NMI: variants seen among roughly 807,000 people sequenced by gnomAD.
NMI encodes N-myc-interactor.
A neutral mutation model predicts 34.3 loss-of-function variants in NMI; 39 were observed. The ratio of observed to expected loss-of-function variants is 1.14; its 90% CI spans 0.88 to 1.49. NMI has a LOEUF of 1.49. Among genes scored for constraint, NMI ranks in the 40% most tolerant of loss-of-function variants. NMI has a pLI of 0.00. For missense variants in NMI, 339 were observed against 358.1 expected (o/e 0.95, Z 0.43); for synonymous variants, 113 against 120.3 (o/e 0.94, Z 0.40).
intron 3 of NMI, among the ~76,000 whole-genome samples, chr2:151,280,138 T>C (rs1162974958): frequency 6.7e-6 from 1 of 148,750 alleles, no homozygotes; most frequent in Non-Finnish European, 1.5e-5. Flanking sequence ...GATGTTGTAG[T>C]GAACCGAGAT....
At chr2:151,274,483 TG>T (rs200823557) in intron 6 of NMI, among the ~76,000 whole-genome samples, 33,838 of 145,434 alleles carry the variant, frequency 0.23, 5,892 homozygotes, top group African/African-American at 0.44. Context: ...TGTCTCTTTT[TG>T]TTTTTTTTTG....
At chr2:151,285,398 GATAGATAA>G (rs1480080772) in intron 1 of NMI, among the ~76,000 whole-genome samples, 2,362 of 131,214 alleles carry the variant, frequency 0.018, 70 homozygotes, top group African/African-American at 0.06. Context: ...TAGATAGATA[GATAGATAA>G]ATAGACAGAC....
chr2:151,271,243 A>G (rs560201182), intron 7 of NMI, among the ~76,000 whole-genome samples: 3 of 152,318 alleles, frequency 2.0e-5, no homozygotes, highest in African/African-American at 7.2e-5. Context: ...GTACCATTGG[A>G]TACCTGAGAA....
At position 151,275,682 on chromosome 2, in the gene NMI, T is replaced by C. The variant is rs1436627023; in HGVS notation, c.448-12A>G. ...ACTTCTACATAAACCTGGAAAATGA[T>C]TTGATGTTCAGAAATATGGATGAGA... On this transcript the variant is annotated splice_polypyrimidine_tract_variant and intron_variant, in intron 5 of 7. Coordinates refer to ENST00000243346, the MANE Select transcript of NMI (RefSeq NM_004688.3). The C allele has an allele frequency of 1.2e-6, 2 of 1,613,430 alleles. No homozygotes were observed. Among genetic ancestry groups the C allele is most frequent in the South Asian group, 1.1e-5 (1 of 91,056 alleles).
Position 151,270,495 on chromosome 2 carries a change from G to A in NMI, c.*198C>T. 1 of 557,528 alleles carries A rather than the reference G, an allele frequency of 1.8e-6. No homozygotes were observed. The highest frequency in any genetic ancestry group is 3.1e-6 in the Non-Finnish European group (1 of 319,918). The allele number at this position is 557,528 out of a possible 1,614,324, so 34.5% of individuals were successfully genotyped here. On this transcript the variant is annotated 3_prime_UTR_variant, in exon 8 of 8. Transcript: ENST00000243346. ...TATAAACAAAACTTTTTATTACAGT[G>A]CACTTATTGTAGTTGAAAACATGCA...
chr2:151,271,542 G>A, intron 7 of NMI, 84 bp downstream of exon 7: 1 of 767,430 alleles, frequency 1.3e-6, no homozygotes, highest in Non-Finnish European at 2.3e-6. Context: ...AGATGCATAA[G>A]TAACAGACTC....
chr2:151,274,693 G>C (rs1164661557), intron 6 of NMI, among the ~76,000 whole-genome samples: 1 of 151,574 alleles, frequency 6.6e-6, no homozygotes, highest in East Asian at 2.0e-4. Context: ...AGTCAGGCTG[G>C]TCTCGAACTC....
chr2:151,285,329 T>C (rs936921628), intron 1 of NMI, among the ~76,000 whole-genome samples: 2 of 152,026 alleles, frequency 1.3e-5, no homozygotes, highest in African/African-American at 4.8e-5. Flanking sequence ...AATGTAATCC[T>C]GCAGCTGTGG....
At chr2:151,278,235 A>T (rs62167158) in intron 4 of NMI, 19,231 of 152,568 alleles carry the variant, frequency 0.13, 1,569 homozygotes, top group South Asian at 0.26. Context: ...TGGCACTCAA[A>T]GCCAGATCCT....
chr2:151,279,774 C>A (rs546385994), intron 3 of NMI, among the ~76,000 whole-genome samples: 1 of 152,148 alleles, frequency 6.6e-6, no homozygotes, highest in Admixed American at 6.6e-5. Flanking sequence ...CCACACCTGG[C>A]CCAGAATTAG....
In NMI at chr2:151,275,582, A is replaced by G. The variant is rs776840226; in HGVS notation, c.536T>C (p.Leu179Pro). The G allele has an allele frequency of 6.8e-6, 11 of 1,614,066 alleles. No individual in the cohort carries two copies. In the East Asian group the frequency reaches 2.2e-4, roughly 33 times the overall value. The change falls in exon 6 of 8, where the codon CTG becomes CCG. Residue 179 changes from leucine to proline, a missense_variant. Coordinates refer to ENST00000243346, the MANE Select transcript of NMI (RefSeq NM_004688.3). ...TCCATTTCGGGACTTTGAAAAGCTC[A>G]GCTCTAGTTTGTCTCTCATTTGATC... ...REDQMRDKLE[L>P]SFSKSRNGGG...
rs774574684 is a variant in NMI at position 151,275,488 on chromosome 2, A to G, written c.630T>C (p.Ile210=). Residue 210 remains isoleucine, a synonymous_variant, in exon 6 of 8, where the codon ATT becomes ATC. Coordinates refer to ENST00000243346, the MANE Select transcript of NMI (RefSeq NM_004688.3). ...ACCTTCTACACCCTTGAGTACCTCC[A>G]ATCTCCACAAACGTGATGACTGCAC... ...SGSAVITFVE[I]GVADKILKKK... 1.9e-6 allele frequency: 3 copies of G among 1,613,330 alleles called. No homozygotes were observed. The highest frequency in any genetic ancestry group is 2.5e-6 in the Non-Finnish European group (3 of 1,179,854).
chr2:151,287,258 C>T (rs2105213589), intron 1 of NMI, among the ~76,000 whole-genome samples: 1 of 151,528 alleles, frequency 6.6e-6, no homozygotes, highest in East Asian at 1.9e-4. Flanking sequence ...TTTGAGATGC[C>T]TTGAGACGAT....
intron 6 of NMI, among the ~76,000 whole-genome samples, chr2:151,274,398 C>G (rs1014734288): frequency 1.4e-5 from 2 of 147,514 alleles, no homozygotes; most frequent in African/African-American, 2.5e-5. Flanking sequence ...TTTAATGTGC[C>G]CAGAGAAAAG....
At chr2:151,284,784 T>A (rs1683466485) in intron 1 of NMI, among the ~76,000 whole-genome samples, 1 of 152,226 alleles carries the variant, frequency 6.6e-6, no homozygotes, top group Non-Finnish European at 1.5e-5. Flanking sequence ...TAATAAACAG[T>A]CTGCCATATA....
intron 1 of NMI, among the ~76,000 whole-genome samples, chr2:151,285,408 T>TAGATAGAC (rs1553461901): frequency 1.3e-5 from 2 of 150,750 alleles, no homozygotes; most frequent in African/African-American, 4.9e-5. Flanking sequence ...GATAGATAAA[T>TAGATAGAC]AGACAGACAG....
chr2:151,281,852 T>A, intron 3 of NMI, 96 bp downstream of exon 3: 2 of 702,824 alleles, frequency 2.8e-6, no homozygotes, highest in Non-Finnish European at 5.1e-6. Context: ...TGGATGATGA[T>A]AAGGTTTTAA....
intron 4 of NMI, among the ~76,000 whole-genome samples, chr2:151,276,873 C>T (rs913951800): frequency 3.9e-5 from 6 of 152,128 alleles, no homozygotes; most frequent in African/African-American, 1.2e-4. Flanking sequence ...CTATATTGAT[C>T]ACAAAGCTGT....
chr2:151,287,622 C>T (rs1435028343), intron 1 of NMI, among the ~76,000 whole-genome samples: 1 of 152,120 alleles, frequency 6.6e-6, no homozygotes. Flanking sequence ...TTTCCCCAAG[C>T]TCCCGAAGCC....
Sources: gnomAD v4.1 joint callset for allele counts (sites outside exome capture counted in the v4.1 genomes callset) on GRCh38, gnomAD v4.1.1 for gene constraint, MANE v1.5 for transcripts, NCBI Gene and HGNC (gene_info 2026-07-23, HGNC 2026-07-21) for gene names.